The following EDIL3 variants were observed in gnomAD, a reference collection of about 807,000 sequenced individuals.
The protein encoded by EDIL3 is EGF like and discoidin domains 3, also known as EGF-like repeat and discoidin I-like domain-containing protein 3.
A neutral mutation model predicts 67.4 loss-of-function variants in EDIL3; 37 were observed. That is an observed-to-expected ratio of 0.55 (90% CI 0.42 to 0.72). EDIL3 has a LOEUF of 0.72. Among genes scored for constraint, EDIL3 ranks in the 30% least tolerant of loss-of-function variants. EDIL3 has a pLI of 0.00. For missense variants in EDIL3, 527 were observed against 586.3 expected, an observed-to-expected ratio of 0.90 and a Z score of 1.04; for synonymous variants, 195 against 196.3, an observed-to-expected ratio of 0.99 and a Z score of 0.05.
At chr5:84,315,703 A>G (rs1746499078) in intron 1 of EDIL3, among the ~76,000 whole-genome samples, 1 of 152,208 alleles carries the variant, frequency 6.6e-6, no homozygotes. Flanking sequence ...ACTATCCAGA[A>G]GAATTTCCCC....
At chr5:84,257,728 T>C (rs377581433) in intron 1 of EDIL3, among the ~76,000 whole-genome samples, 3 of 152,260 alleles carry the variant, frequency 2.0e-5, no homozygotes, top group African/African-American at 7.2e-5. Flanking sequence ...TATAAGTAGA[T>C]GTAGAATTAA....
intron 3 of EDIL3, among the ~76,000 whole-genome samples, chr5:84,205,418 A>C (rs961194762): frequency 1.3e-5 from 2 of 152,166 alleles, no homozygotes; most frequent in Non-Finnish European, 2.9e-5. Flanking sequence ...GTCATTGTGA[A>C]AGACTCTTTA....
intron 3 of EDIL3, among the ~76,000 whole-genome samples, chr5:84,216,350 T>A (rs755158933): frequency 1.1e-4 from 17 of 152,372 alleles, no homozygotes; most frequent in Non-Finnish European, 2.4e-4. Context: ...TAAAATAATA[T>A]ATAAAGTTTT....
intron 4 of EDIL3, among the ~76,000 whole-genome samples, chr5:84,160,749 C>T (rs866228059): frequency 7.1e-3 from 74 of 10,418 alleles, no homozygotes; most frequent in African/African-American, 0.015. Context: ...TCTTTTCTTT[C>T]CTTTCCTTTC....
At chr5:83,997,657 G>C (rs1407882714) in intron 9 of EDIL3, among the ~76,000 whole-genome samples, 1 of 152,286 alleles carries the variant, frequency 6.6e-6, no homozygotes, top group Middle Eastern at 3.4e-3. Flanking sequence ...TCCACACTGA[G>C]TTGTTAACAA....
intron 3 of EDIL3, among the ~76,000 whole-genome samples, chr5:84,182,109 C>T (rs1749023305): frequency 6.6e-6 from 1 of 151,944 alleles, no homozygotes; most frequent in Admixed American, 6.6e-5. Context: ...GAGAATGACT[C>T]CTCCTGCATG....
intron 4 of EDIL3, among the ~76,000 whole-genome samples, chr5:84,140,845 G>C (rs164435): frequency 0.36 from 53,997 of 151,850 alleles, 10,474 homozygotes; most frequent in East Asian, 0.75. Context: ...TAATACACAA[G>C]CTTAGAAGAC....
intron 9 of EDIL3, among the ~76,000 whole-genome samples, chr5:84,019,150 G>A (rs1745663417): frequency 6.6e-6 from 1 of 152,116 alleles, no homozygotes; most frequent in African/African-American, 2.4e-5. Context: ...CAACCCAAAT[G>A]TCCAACAATG....
intron 9 of EDIL3, among the ~76,000 whole-genome samples, chr5:84,009,197 TA>T (rs201575093): frequency 5.3e-5 from 8 of 151,260 alleles, no homozygotes; most frequent in African/African-American, 1.2e-4. Context: ...TTTCCCAAAA[TA>T]AAAAAAAATA....
intron 9 of EDIL3, among the ~76,000 whole-genome samples, chr5:83,963,952 A>G (rs1033213255): frequency 4.6e-5 from 7 of 151,866 alleles, no homozygotes; most frequent in South Asian, 2.1e-4. Context: ...GAAAATTACA[A>G]TTCTAAAATG....
At chr5:84,260,969 A>T (rs1315176621) in intron 1 of EDIL3, among the ~76,000 whole-genome samples, 2 of 152,222 alleles carry the variant, frequency 1.3e-5, no homozygotes, top group Non-Finnish European at 2.9e-5. Flanking sequence ...AAATGCAGAG[A>T]CAATTTAAAT....
chr5:83,970,270 A>G (rs2112137035), intron 9 of EDIL3, among the ~76,000 whole-genome samples: 1 of 147,488 alleles, frequency 6.8e-6, no homozygotes, highest in Admixed American at 6.7e-5. Context: ...ATATATATAT[A>G]TATATATATA....
At position 84,180,571 on chromosome 5, in the gene EDIL3, G is replaced by C. The variant is rs369958351; in HGVS notation, c.227-50C>G. 4.3e-5 allele frequency: 64 copies of C among 1,501,650 alleles called. 1 individual carries two copies. The South Asian group carries it at 8.3e-4, about 19-fold the overall frequency. The allele number at this position is 1,501,650 out of a possible 1,614,324, so 93.0% of individuals were successfully genotyped here. Reference sequence around the variant, plus strand: ...TGCTTGATGCATATTCTTAAAAGTAGACATTAGGTCAACATTTTGCAATTA... The same window carrying C: ...TGCTTGATGCATATTCTTAAAAGTACACATTAGGTCAACATTTTGCAATTA... On this transcript the variant is annotated intron_variant, in intron 3 of 10. Transcript: ENST00000296591.
At chr5:84,062,982 C>G (rs1444042575) in intron 8 of EDIL3, among the ~76,000 whole-genome samples, 1 of 152,008 alleles carries the variant, frequency 6.6e-6, no homozygotes, top group Non-Finnish European at 1.5e-5. Context: ...TTAAAGCATC[C>G]ATTGAGAGAT....
chr5:84,046,762 C>T (rs1159609208), intron 9 of EDIL3, among the ~76,000 whole-genome samples: 4 of 152,158 alleles, frequency 2.6e-5, no homozygotes, highest in African/African-American at 9.7e-5. Flanking sequence ...ACTAATACGC[C>T]ACAAACGAAA....
At chr5:84,228,124 A>G (rs1050820128) in intron 3 of EDIL3, among the ~76,000 whole-genome samples, 1 of 152,030 alleles carries the variant, frequency 6.6e-6, no homozygotes, top group Admixed American at 6.6e-5. Flanking sequence ...GGAGTGTTCA[A>G]TAGCCCATGT....
intron 9 of EDIL3, among the ~76,000 whole-genome samples, chr5:83,976,830 T>C (rs1350330935): frequency 6.6e-6 from 1 of 151,770 alleles, no homozygotes; most frequent in Non-Finnish European, 1.5e-5. Context: ...GTCATAAAAT[T>C]TATAAAGAAT....
intron 2 of EDIL3, 57 bp from the exon 3 acceptor site, chr5:84,229,941 G>T (rs946521169): frequency 3.5e-6 from 5 of 1,422,200 alleles, no homozygotes; most frequent in Non-Finnish European, 4.8e-6. Flanking sequence ...GGAGGGAGAA[G>T]GGGGGAGAGA....
At chr5:84,205,269 C>A (rs938199885) in intron 3 of EDIL3, among the ~76,000 whole-genome samples, 2 of 151,844 alleles carry the variant, frequency 1.3e-5, no homozygotes, top group Non-Finnish European at 1.5e-5. Flanking sequence ...TATGTTTGTA[C>A]CTATATATGT....
Sources: gnomAD v4.1 joint callset for allele counts (sites outside exome capture counted in the v4.1 genomes callset) on GRCh38, gnomAD v4.1.1 for gene constraint, MANE v1.5 for transcripts, NCBI Gene and HGNC (gene_info 2026-07-23, HGNC 2026-07-21) for gene names.